The following ATRNL1 variants were observed in gnomAD, a reference collection of about 807,000 sequenced individuals.
ATRNL1 encodes attractin-like protein 1.
In ATRNL1, 95 loss-of-function variants were observed where a neutral mutation model predicts 182.7. That is an observed-to-expected ratio of 0.52 (90% CI 0.44 to 0.62). The LOEUF (loss-of-function observed/expected upper bound fraction) is 0.62, where lower values mean the gene tolerates loss of function less well. ATRNL1 is among the 20% of genes least tolerant of loss of function. The pLI is 0.00. For missense variants in ATRNL1, 1,471 were observed against 1,679.5 expected (o/e 0.88, Z 2.17); for synonymous variants, 576 against 568.3 (o/e 1.01, Z -0.19).
At chr10:115,702,716 A>T (rs1946776354) in intron 26 of ATRNL1, among the ~76,000 whole-genome samples, 1 of 152,032 alleles carries the variant, frequency 6.6e-6, no homozygotes, top group Non-Finnish European at 1.5e-5. Flanking sequence ...TAAAATACCT[A>T]GGAATCCATC....
Position 115,726,063 on chromosome 10 carries a change from G to A in ATRNL1, c.3796-1185G>A, listed in dbSNP as rs189991035. Reference sequence around the variant, plus strand: ...TTCTCTTTTTAATAATAAAAACCAGGTATTAAAACAAACATTTTAAATAAT... The same window carrying A: ...TTCTCTTTTTAATAATAAAAACCAGATATTAAAACAAACATTTTAAATAAT... On this transcript the variant is annotated intron_variant, in intron 26 of 28. Coordinates refer to ENST00000355044, the MANE Select transcript of ATRNL1 (RefSeq NM_207303.4). Among the ~76,000 whole-genome samples the A allele has an allele frequency of 5.8e-3, 889 of 151,966 alleles. 3 individuals carry two copies. The highest frequency in any genetic ancestry group is 0.01 in the Middle Eastern group (3 of 294).
intron 26 of ATRNL1, among the ~76,000 whole-genome samples, chr10:115,605,005 A>G (rs1438729402): frequency 6.6e-6 from 1 of 152,160 alleles, no homozygotes; most frequent in African/African-American, 2.4e-5. Flanking sequence ...GGATTGTAAC[A>G]TTTTGTATTA....
intron 26 of ATRNL1, among the ~76,000 whole-genome samples, chr10:115,654,312 C>T (rs1047324456): frequency 6.6e-6 from 1 of 151,576 alleles, no homozygotes; most frequent in Admixed American, 6.6e-5. Flanking sequence ...CTCTGCCTCT[C>T]GGGTTCAAGC....
At chr10:115,540,584 A>AC (rs782003219) in intron 25 of ATRNL1, among the ~76,000 whole-genome samples, 2 of 151,838 alleles carry the variant, frequency 1.3e-5, no homozygotes, top group Non-Finnish European at 2.9e-5. Flanking sequence ...AGATAGTGAA[A>AC]CCCCATCTCT....
At chr10:115,268,471 G>A (rs781945400) in intron 13 of ATRNL1, 27 bp downstream of exon 13, 3 of 1,443,038 alleles carry the variant, frequency 2.1e-6, no homozygotes, top group South Asian at 1.1e-5. Context: ...AAATGGTGCT[G>A]TAGTTACAAC....
intron 5 of ATRNL1, among the ~76,000 whole-genome samples, chr10:115,141,676 A>G (rs1389516217): frequency 6.6e-6 from 1 of 152,188 alleles, no homozygotes; most frequent in Non-Finnish European, 1.5e-5. Flanking sequence ...GTAGAAATTC[A>G]TAAAGTAGCT....
chr10:115,129,482 G>C lies in ATRNL1; in HGVS notation c.776G>C (p.Gly259Ala), dbSNP rs1554874510. 6.2e-7 allele frequency: 1 copy of C among 1,614,008 alleles called. No individual in the cohort carries two copies. Among genetic ancestry groups the C allele is most frequent in the South Asian group, 1.1e-5 (1 of 91,082 alleles). ...CKANCGSPDHGYCDLTGEKLC... is the reference protein window; with the variant it reads ...CKANCGSPDHAYCDLTGEKLC... ...GCCAATTGCGGCAGTCCAGATCACGGTTACTGTGACCTGACTGGAGAAAAA... is the reference window on the plus strand; with the variant it reads ...GCCAATTGCGGCAGTCCAGATCACGCTTACTGTGACCTGACTGGAGAAAAA... Residue 259 changes from glycine to alanine, a missense_variant, in exon 5 of 29, where the codon GGT (glycine) becomes GCT (alanine). Gly to Ala is a moderately conservative substitution (Grantham distance 60). Transcript: ENST00000355044.
At chr10:115,427,808 C>T (rs1845972852) in intron 21 of ATRNL1, among the ~76,000 whole-genome samples, 1 of 151,726 alleles carries the variant, frequency 6.6e-6, no homozygotes, top group South Asian at 2.1e-4. Context: ...TAACGTAGCA[C>T]ATTTATAATT....
intron 26 of ATRNL1, among the ~76,000 whole-genome samples, chr10:115,705,986 C>A (rs1946883851): frequency 6.6e-6 from 1 of 151,926 alleles, no homozygotes; most frequent in Non-Finnish European, 1.5e-5. Context: ...TATATCATCC[C>A]AGCCTCAGGC....
intron 27 of ATRNL1, among the ~76,000 whole-genome samples, chr10:115,731,122 G>A (rs533204688): frequency 3.4e-4 from 52 of 152,148 alleles, no homozygotes; most frequent in African/African-American, 1.2e-3. Context: ...TTGGCACATC[G>A]TCGCAGACAC....
chr10:115,190,334 A>G (rs1196039240), intron 8 of ATRNL1, among the ~76,000 whole-genome samples: 4 of 152,136 alleles, frequency 2.6e-5, no homozygotes, highest in African/African-American at 9.7e-5. Flanking sequence ...TTTAGGAACT[A>G]CAAAAATATT....
chr10:115,477,512 T>A (rs1848587805), intron 24 of ATRNL1, among the ~76,000 whole-genome samples: 1 of 151,588 alleles, frequency 6.6e-6, no homozygotes, highest in African/African-American at 2.4e-5. Flanking sequence ...CTGGCAAATT[T>A]AGGACACCTG....
intron 8 of ATRNL1, among the ~76,000 whole-genome samples, chr10:115,206,326 G>T (rs11197117): frequency 0.31 from 46,340 of 151,900 alleles, 8,429 homozygotes; most frequent in Middle Eastern, 0.44. Context: ...ATTTGCTCAG[G>T]TTCCTGAATC....
At chr10:115,824,132 C>T (rs1302971742) in intron 27 of ATRNL1, among the ~76,000 whole-genome samples, 3 of 152,138 alleles carry the variant, frequency 2.0e-5, no homozygotes, top group Non-Finnish European at 4.4e-5. Flanking sequence ...CACACCTCTA[C>T]AACCATCTGA....
intron 9 of ATRNL1, among the ~76,000 whole-genome samples, chr10:115,221,130 T>C (rs1408212957): frequency 2.0e-5 from 3 of 152,142 alleles, no homozygotes; most frequent in African/African-American, 7.2e-5. Flanking sequence ...ATGTTGCCAC[T>C]CATCTGACAG....
intron 24 of ATRNL1, among the ~76,000 whole-genome samples, chr10:115,475,500 CACTTATTTCTCCATTTGGAATA>C (rs1316438624): frequency 2.0e-5 from 3 of 151,356 alleles, no homozygotes; most frequent in Non-Finnish European, 4.4e-5. Flanking sequence ...TGGCATATCT[CACTTATTTCTCCATTTGGAATA>C]ACTGTTTCTT....
chr10:115,664,045 T>A (rs1860858983), intron 26 of ATRNL1, among the ~76,000 whole-genome samples: 1 of 152,132 alleles, frequency 6.6e-6, no homozygotes, highest in Non-Finnish European at 1.5e-5. Context: ...CACCATGCTC[T>A]CACCTAAATC....
chr10:115,179,877 A>G (rs1554887579), intron 8 of ATRNL1, among the ~76,000 whole-genome samples: 1 of 152,134 alleles, frequency 6.6e-6, no homozygotes, highest in African/African-American at 2.4e-5. Context: ...GTGAAAGATT[A>G]ATATATTTAT....
At chr10:115,353,537 T>C (rs1856365230) in intron 19 of ATRNL1, among the ~76,000 whole-genome samples, 2 of 152,154 alleles carry the variant, frequency 1.3e-5, no homozygotes, top group African/African-American at 4.8e-5. Flanking sequence ...TGTCTTTTAT[T>C]TGAAGAATTT....
Sources: gnomAD v4.1 joint callset for allele counts (sites outside exome capture counted in the v4.1 genomes callset) on GRCh38, gnomAD v4.1.1 for gene constraint, MANE v1.5 for transcripts, NCBI Gene and HGNC (gene_info 2026-07-23, HGNC 2026-07-21) for gene names.